LIPE: variants seen among roughly 807,000 people sequenced by gnomAD.
LIPE encodes the protein lipase E, hormone sensitive type, also known as hormone-sensitive lipase.
Under a neutral mutation model 88.5 loss-of-function variants are expected in LIPE, and 66 were observed. The ratio of observed to expected loss-of-function variants is 0.75; its 90% confidence interval spans 0.61 to 0.91. The LOEUF (loss-of-function observed/expected upper bound fraction) is 0.91, where lower values mean the gene tolerates loss of function less well. LIPE is among the 40% of genes least tolerant of loss of function. The pLI is 0.00. For missense variants in LIPE, 1,346 were observed against 1,434.7 expected (o/e 0.94, Z 1.00); for synonymous variants, 570 against 617.5 (o/e 0.92, Z 1.14).
chr19:42,402,100 GGA>G (rs1354833504), intron 9 of LIPE, 25 bp from the exon 10 acceptor site: 2 of 1,452,770 alleles, frequency 1.4e-6, no homozygotes, highest in Non-Finnish European at 1.8e-6. Flanking sequence ...GGAGGGACGT[GGA>G]GAGAGGGTGG....
chr19:42,412,491 C>T (rs2040403650), intron 1 of LIPE: 1 of 985,694 alleles, frequency 1.0e-6, no homozygotes, highest in Admixed American at 6.1e-5. Flanking sequence ...GCACAAGCCA[C>T]CTCCCACCCA....
intron 1 of LIPE, chr19:42,424,399 T>A: frequency 2.2e-6 from 1 of 456,410 alleles, no homozygotes; most frequent in Non-Finnish European, 4.4e-6. Context: ...GCCAACTGCT[T>A]CTGGACCGCC....
At chr19:42,424,075 G>A in intron 1 of LIPE, 1 of 1,187,818 alleles carries the variant, frequency 8.4e-7, no homozygotes, top group Non-Finnish European at 1.1e-6. Flanking sequence ...AGGCGTGGCT[G>A]TGCCTGAGAG....
chr19:42,404,066 T>C (rs1469598156), intron 8 of LIPE, among the ~76,000 whole-genome samples: 1 of 133,854 alleles, frequency 7.5e-6, no homozygotes, highest in African/African-American at 2.8e-5. Flanking sequence ...AGTTTTTTAC[T>C]TTTTTTTTTT....
At chr19:42,421,694 C>T (rs750872514) in intron 1 of LIPE, among the ~76,000 whole-genome samples, 21 of 152,310 alleles carry the variant, frequency 1.4e-4, no homozygotes, top group Admixed American at 5.2e-4. Context: ...GAAGCCCAGG[C>T]GGCCTTGGTC....
At chr19:42,421,664 G>A (rs538517053) in intron 1 of LIPE, among the ~76,000 whole-genome samples, 5 of 152,156 alleles carry the variant, frequency 3.3e-5, no homozygotes, top group Non-Finnish European at 5.9e-5. Context: ...CCATCTCTTT[G>A]CCCTCACTGG....
At chr19:42,417,834 A>G (rs2040518821) in intron 1 of LIPE, among the ~76,000 whole-genome samples, 1 of 152,212 alleles carries the variant, frequency 6.6e-6, no homozygotes, top group Admixed American at 6.5e-5. Flanking sequence ...CCTGGGTAAC[A>G]TAGTGAGACC....
chr19:42,411,454 T>C (rs530064838), intron 1 of LIPE: 6 of 366,672 alleles, frequency 1.6e-5, no homozygotes, highest in African/African-American at 2.2e-5. Flanking sequence ...CCATCTTTCC[T>C]TCTTAGGCCC....
chr19:42,412,484 C>A (rs1568606731), intron 1 of LIPE: 2 of 985,708 alleles, frequency 2.0e-6, no homozygotes, highest in Non-Finnish European at 2.4e-6. Context: ...TGTAGCCGCA[C>A]AAGCCACCTC....
intron 1 of LIPE, chr19:42,424,318 AGAG>A (rs776808334): frequency 2.2e-6 from 1 of 459,580 alleles, no homozygotes; most frequent in East Asian, 6.9e-5. Flanking sequence ...GGCGGGAAAC[AGAG>A]GAGGCTCGAG....
Position 42,427,214 on chromosome 19 carries a change from C to T in LIPE, c.-65G>A. 1 of 1,504,740 alleles carries T rather than the reference C, an allele frequency of 6.6e-7. No individual in the cohort carries two copies. The highest frequency in any genetic ancestry group is 8.8e-7 in the Non-Finnish European group (1 of 1,132,332). The allele number at this position is 1,504,740 out of a possible 1,614,324, so 93.2% of individuals were successfully genotyped here. A position where few individuals can be genotyped will look rare whatever the true frequency, so the allele number is the denominator to read the frequency against. On this transcript the variant is annotated 5_prime_UTR_variant, in exon 1 of 10. Coordinates refer to ENST00000244289, the MANE Select transcript of LIPE (RefSeq NM_005357.4). ...TATCCTTCTGGGCTCCCACCCAGCC[C>T]TCTCTCTTCACAGATCTCTCATTGA... is the stretch of plus-strand genomic sequence containing the variant.
Position 42,407,471 on chromosome 19 carries a change from G to A in LIPE, c.1843-3C>T, listed in dbSNP as rs1347013807. On this transcript the variant is annotated splice_region_variant and splice_polypyrimidine_tract_variant and intron_variant, in intron 5 of 9. Transcript: ENST00000244289. The surrounding 1 kb of genome is among the most constrained non-coding windows in gnomAD (Gnocchi z 5.8). ...AGGCTGCTGAGCTCCTCACTGTCCT[G>A]GGGGTGAGGAGGGAGACGGTGTGTG... The A allele has an allele frequency of 1.2e-6, 2 of 1,608,202 alleles. No individual in the cohort carries two copies. The highest frequency in any genetic ancestry group is 1.7e-6 in the Non-Finnish European group (2 of 1,175,792).
chr19:42,418,532 G>A (rs1190092676), intron 1 of LIPE, among the ~76,000 whole-genome samples: 1 of 152,080 alleles, frequency 6.6e-6, no homozygotes, highest in Non-Finnish European at 1.5e-5. Flanking sequence ...CATAGTATGG[G>A]GCCAGGCGTG....
chr19:42,403,082 G>A (rs901232362), intron 8 of LIPE, 51 bp from the exon 9 acceptor site: 1 of 1,478,442 alleles, frequency 6.8e-7, no homozygotes, highest in Non-Finnish European at 9.0e-7. Flanking sequence ...GGTTGTGTGT[G>A]TGGCTGGCAG....
chr19:42,407,673 G>T lies in LIPE; in HGVS notation c.1775C>A (p.Pro592Gln). 6.2e-7 allele frequency: 1 copy of T among 1,608,298 alleles called. No individual in the cohort carries two copies. The highest frequency in any genetic ancestry group is 8.5e-7 in the Non-Finnish European group (1 of 1,177,314). Residue 592 changes from proline (P) to glutamine (Q), a missense_variant, in exon 5 of 10, where the codon CCA becomes CAA. By Grantham distance (76) the Pro-to-Gln change is moderately conservative. Coordinates refer to ENST00000244289, the MANE Select transcript of LIPE (RefSeq NM_005357.4). The surrounding 1 kb of genome is among the most constrained non-coding windows in gnomAD (Gnocchi z 5.8). Reference protein sequence around the residue: ...DPTLTVTISPPLAHTGPGPVL... With the variant: ...DPTLTVTISPQLAHTGPGPVL... Reference sequence around the variant, plus strand: ...GGGCCCAGGGCCTGTGTGGGCCAGTGGGGGTGAGATGGTGACCGTGAGCGT... The same window carrying T: ...GGGCCCAGGGCCTGTGTGGGCCAGTTGGGGTGAGATGGTGACCGTGAGCGT...
rs760677748 is a variant in LIPE at position 42,405,417 on chromosome 19, C to A, written c.2510G>T (p.Arg837Leu). The A allele has an allele frequency of 7.4e-6, 12 of 1,613,708 alleles. No homozygotes were observed. The highest frequency in any genetic ancestry group is 1.7e-4 in the Middle Eastern group (1 of 5,788). Reference protein sequence around the residue: ...WLNSFLELSGRKSQKMSEPIA... With the variant: ...WLNSFLELSGLKSQKMSEPIA... ...GGGCTCCGACATCTTCTGGGACTTG[C>A]GCCCACTTAACTCCAGGAAGGAGTT... Residue 837 changes from arginine to leucine, a missense_variant, in exon 8 of 10, where the codon CGC (arginine) becomes CTC (leucine). Arg to Leu is a moderately radical substitution (Grantham distance 102, BLOSUM62 -2). Coordinates refer to ENST00000244289, the MANE Select transcript of LIPE (RefSeq NM_005357.4).
Position 42,426,735 on chromosome 19 carries a change from G to C in LIPE, c.415C>G (p.Pro139Ala), listed in dbSNP as rs145286581. 1.5e-5 allele frequency: 24 copies of C among 1,614,084 alleles called. No homozygotes were observed. The African/African-American group carries it at 2.5e-4, about 17-fold the overall frequency. Residue 139 changes from proline to alanine, a missense_variant, in exon 1 of 10, where the codon CCA becomes GCA. Transcript: ENST00000244289. ...GGTGGCTCTCCTGGCCCAGGCCCTG[G>C]CTGGGCTACATGTCTTTGTCTCAAT... Reference protein sequence around the residue: ...PALRQRHVAQPGPGPGEPPPA... With the variant: ...PALRQRHVAQAGPGPGEPPPA...
rs1485334029 is a variant in LIPE, at chr19:42,427,374, G to A, written c.-225C>T. 1.5e-6 allele frequency: 1 copy of A among 684,278 alleles called. No homozygotes were observed. Among genetic ancestry groups the A allele is most frequent in the Non-Finnish European group, 2.2e-6 (1 of 463,298 alleles). 42.4% of individuals were successfully genotyped at this position (684,278 alleles called of 1,614,324 possible). A position where few individuals can be genotyped will look rare whatever the true frequency, so the allele number is the denominator to read the frequency against. ...TGAACTCTGTGCCTCTTTCTTTGGT[G>A]GGAGGATTAGGAATAGGAGGAGGCT... On this transcript the variant is annotated 5_prime_UTR_variant, in exon 1 of 10. Coordinates refer to ENST00000244289, the MANE Select transcript of LIPE (RefSeq NM_005357.4).
At chr19:42,423,452 C>T in intron 1 of LIPE, 1 of 1,289,404 alleles carries the variant, frequency 7.8e-7, no homozygotes, top group Non-Finnish European at 1.0e-6. Flanking sequence ...CGCCGGCGAC[C>T]GTGGCTCCTT....
Sources: allele counts gnomAD v4.1 joint callset (sites outside exome capture counted in the v4.1 genomes callset), GRCh38; gene constraint gnomAD v4.1.1; non-coding constraint Gnocchi (gnomAD v3.1); transcripts MANE v1.5; gene names NCBI Gene and HGNC (gene_info 2026-07-23, HGNC 2026-07-21).